Variants in LNX1 observed in about 807,000 individuals in gnomAD.
LNX1 encodes the protein ligand of numb-protein X 1, also known as E3 ubiquitin-protein ligase LNX.
LNX1 carries 54 observed loss-of-function variants against 68.4 expected under a neutral mutation model. The observed-to-expected ratio is 0.79, with a 90% CI of 0.63 to 0.99. LNX1 has a LOEUF of 0.99. LNX1 is among the 50% of genes least tolerant of loss of function. The probability of loss-of-function intolerance (pLI) is 0.00; values close to 1 mark genes in which losing one functional copy is unlikely to be tolerated. For synonymous variants in LNX1, 336 were observed against 350.0 expected (o/e 0.96, Z 0.45); for missense variants, 906 against 926.4 (o/e 0.98, Z 0.29).
Position 53,527,332 on chromosome 4 carries a change from T to A in LNX1, c.381-19105A>T, listed in dbSNP as rs761663239. The stretch of plus-strand genomic sequence containing the variant: ...CAGTATAACTGACTTTCTTCTATTT[T>A]AGGAATTTATATACTTAGATGTAGA... On this transcript the variant is annotated intron_variant, in intron 2 of 10. Coordinates refer to ENST00000263925, the MANE Select transcript of LNX1 (RefSeq NM_001126328.3). Among the ~76,000 whole-genome samples, 161 of 152,216 alleles carry A rather than the reference T, an allele frequency of 1.1e-3. 3 individuals are homozygous for A. The highest frequency in any genetic ancestry group is 3.2e-4 in the Non-Finnish European group (22 of 68,030).
At chr4:53,552,215 T>G (rs1577701999) in intron 2 of LNX1, among the ~76,000 whole-genome samples, 2 of 152,144 alleles carry the variant, frequency 1.3e-5, no homozygotes, top group East Asian at 3.9e-4. Flanking sequence ...CGCCTAGCTG[T>G]CTTGTTGATA....
At chr4:53,626,215 G>A (rs112746971) in intron 1 of LNX1, among the ~76,000 whole-genome samples, 29 of 152,070 alleles carry the variant, frequency 1.9e-4, no homozygotes, top group Non-Finnish European at 2.8e-4. Context: ...AAATATGTTC[G>A]TTTTCAAGGA....
chr4:53,557,423 G>A (rs1340694472), intron 2 of LNX1, among the ~76,000 whole-genome samples: 1 of 151,990 alleles, frequency 6.6e-6, no homozygotes. Flanking sequence ...TATACATAGG[G>A]TTCTTTTTTT....
At chr4:53,648,897 G>T (rs548959566) in intron 1 of LNX1, among the ~76,000 whole-genome samples, 1 of 152,160 alleles carries the variant, frequency 6.6e-6, no homozygotes, top group Non-Finnish European at 1.5e-5. Context: ...AATCACTATT[G>T]CCCTGAAACC....
chr4:53,564,987 C>T (rs1730558156), intron 2 of LNX1, among the ~76,000 whole-genome samples: 1 of 152,188 alleles, frequency 6.6e-6, no homozygotes, highest in Admixed American at 6.5e-5. Context: ...CCACCTGGCT[C>T]GGAGGGTCCT....
At chr4:53,486,987 TG>T (rs1276027486) in intron 6 of LNX1, among the ~76,000 whole-genome samples, 3 of 152,152 alleles carry the variant, frequency 2.0e-5, no homozygotes, top group Non-Finnish European at 2.9e-5. Flanking sequence ...GGAAGGAGTC[TG>T]GGAGCGTTGC....
intron 1 of LNX1, among the ~76,000 whole-genome samples, chr4:53,586,448 T>C (rs556565949): frequency 6.6e-6 from 1 of 152,338 alleles, no homozygotes; most frequent in South Asian, 2.1e-4. Flanking sequence ...TCGACTCTGC[T>C]GCTGGTGAAG....
chr4:53,492,468 A>G (rs1480840559), intron 6 of LNX1, among the ~76,000 whole-genome samples: 2 of 143,956 alleles, frequency 1.4e-5, no homozygotes, highest in East Asian at 2.2e-4. Context: ...ACGATCTGCA[A>G]CTTTAACCTA....
At chr4:53,633,105 A>T (rs921157691) in intron 1 of LNX1, among the ~76,000 whole-genome samples, 2 of 152,182 alleles carry the variant, frequency 1.3e-5, no homozygotes, top group Admixed American at 1.3e-4. Context: ...AAATCCATCA[A>T]GTTATATGGA....
In LNX1 at chr4:53,498,565, A is replaced by C. The variant is rs1287518372; in HGVS notation, c.978+76T>G. The C allele has an allele frequency of 1.4e-5, 14 of 990,316 alleles. No individual in the cohort carries two copies. In the Admixed American group the frequency reaches 2.5e-4, roughly 17 times the overall value. 61.3% of individuals were successfully genotyped at this position (990,316 alleles called of 1,614,324 possible). On this transcript the variant is annotated intron_variant, in intron 5 of 10. Coordinates refer to ENST00000263925, the MANE Select transcript of LNX1 (RefSeq NM_001126328.3). The stretch of plus-strand genomic sequence containing the variant: ...TACCATTTCCCTCATTCATCCATCC[A>C]TCTATCCAATTGTTTGCTCAGAAGC...
At chr4:53,551,421 G>A (rs1729505883) in intron 2 of LNX1, among the ~76,000 whole-genome samples, 1 of 152,162 alleles carries the variant, frequency 6.6e-6, no homozygotes. Flanking sequence ...CAGCTTCCTA[G>A]TAAGATCTCA....
intron 1 of LNX1, among the ~76,000 whole-genome samples, chr4:53,641,784 T>C (rs141946274): frequency 6.6e-6 from 1 of 152,362 alleles, no homozygotes; most frequent in East Asian, 1.9e-4. Context: ...ACATTGTGTA[T>C]TCTTTTTGGT....
At chr4:53,580,825 G>C (rs1731786663) in intron 1 of LNX1, among the ~76,000 whole-genome samples, 1 of 152,236 alleles carries the variant, frequency 6.6e-6, no homozygotes, top group African/African-American at 2.4e-5. Flanking sequence ...TCTCTTATTT[G>C]TTTGTAAACG....
intron 2 of LNX1, 128 bp from the exon 3 acceptor site, chr4:53,508,355 C>T (rs1726079213): frequency 5.3e-6 from 6 of 1,129,584 alleles, no homozygotes; most frequent in Admixed American, 2.5e-5. Context: ...ATTTGCCTGC[C>T]GCTATATCCT....
chr4:53,465,168 A>G (rs1722579898), intron 9 of LNX1, among the ~76,000 whole-genome samples: 1 of 152,198 alleles, frequency 6.6e-6, no homozygotes, highest in African/African-American at 2.4e-5. Context: ...AAAATATTGA[A>G]TATAATTTGG....
At chr4:53,474,759 C>T (rs926880068) in intron 9 of LNX1, among the ~76,000 whole-genome samples, 1 of 129,310 alleles carries the variant, frequency 7.7e-6, no homozygotes, top group Admixed American at 8.6e-5. Context: ...GAGCAAAGTG[C>T]AGACTCTACT....
intron 1 of LNX1, chr4:53,652,061 G>A (rs1201033774): frequency 6.8e-6 from 1 of 147,902 alleles, no homozygotes; most frequent in Admixed American, 6.7e-5. Context: ...GAGAGAGAGA[G>A]ACAGAGAAAG....
At chr4:53,488,856 G>T (rs10032903) in intron 6 of LNX1, among the ~76,000 whole-genome samples, 59,618 of 151,914 alleles carry the variant, frequency 0.39, 12,242 homozygotes, top group South Asian at 0.59. Context: ...CAGTCATTCC[G>T]GTTGATATGT....
intron 1 of LNX1, among the ~76,000 whole-genome samples, chr4:53,627,264 T>C (rs576639064): frequency 1.3e-5 from 2 of 152,358 alleles, no homozygotes; most frequent in South Asian, 4.1e-4. Flanking sequence ...AGGTTCCCTG[T>C]TCACTTAATC....
Sources: allele counts gnomAD v4.1 joint callset (sites outside exome capture counted in the v4.1 genomes callset), GRCh38; gene constraint gnomAD v4.1.1; transcripts MANE v1.5; gene names NCBI Gene and HGNC (gene_info 2026-07-23, HGNC 2026-07-21).